LASP1: variants seen among roughly 807,000 people sequenced by gnomAD.
LASP1 encodes LIM and SH3 domain protein 1.
Under a neutral mutation model 38.6 loss-of-function variants are expected in LASP1, and 10 were observed. The ratio of observed to expected loss-of-function variants is 0.26; its 90% CI spans 0.16 to 0.44. The LOEUF is 0.44. LASP1 is among the 20% of genes least tolerant of loss of function. LASP1 has a pLI of 1.00. For synonymous variants in LASP1, 132 were observed against 140.8 expected (o/e 0.94, Z 0.44); for missense variants, 243 against 375.7 (o/e 0.65, Z 2.92).
chr17:38,874,552 G>C (rs925245546), intron 1 of LASP1, among the ~76,000 whole-genome samples: 24 of 152,198 alleles, frequency 1.6e-4, no homozygotes, highest in Admixed American at 1.2e-3. Context: ...GAGGGTAGGG[G>C]AGTCGCCTGA....
Position 38,918,562 on chromosome 17 carries a change from AGCCG to A in LASP1, c.613-40_613-37del. ...AGAAAAAAATGCTCAGACCCAGGTG[AGCCG>A]GCATGCAGGGCCCTAGGCTGACCAC... On this transcript the variant is annotated intron_variant, in intron 6 of 6. Transcript: ENST00000318008. This position sits in a 1 kb window ranked among gnomAD's most constrained non-coding sequence, Gnocchi z 4.4. 6.5e-7 allele frequency: 1 copy of A among 1,531,844 alleles called. No homozygotes were observed. The highest frequency in any genetic ancestry group is 1.3e-5 in the South Asian group (1 of 79,712). The allele number at this position is 1,531,844 out of a possible 1,614,324, so 94.9% of individuals were successfully genotyped here. A position where few individuals can be genotyped will look rare whatever the true frequency, so the allele number is the denominator to read the frequency against.
rs943129662 is a variant in LASP1 at position 38,870,089 on chromosome 17, C to A, written c.-101C>A. On this transcript the variant is annotated 5_prime_UTR_variant, in exon 1 of 7. The change creates a new upstream start codon in the 5' untranslated region. Transcript: ENST00000318008. ...TCCCCAGCTCCAGCCGCCGTCGCTG[C>A]TGCCTGTGTAGTTGCAGCCGCGGCC... is the stretch of plus-strand genomic sequence containing the variant. The A allele has an allele frequency of 1.5e-6, 2 of 1,293,130 alleles. No individual in the cohort carries two copies. Among genetic ancestry groups the A allele is most frequent in the African/African-American group, 1.5e-5 (1 of 68,332 alleles). 80.1% of individuals were successfully genotyped at this position (1,293,130 alleles called of 1,614,324 possible). A position where few individuals can be genotyped will look rare whatever the true frequency, so the allele number is the denominator to read the frequency against.
chr17:38,873,821 G>A (rs1913679383), intron 1 of LASP1: 1 of 152,252 alleles, frequency 6.6e-6, no homozygotes, highest in Non-Finnish European at 1.5e-5. Flanking sequence ...CAACAGGAAG[G>A]GAAGAGATGG....
intron 4 of LASP1, among the ~76,000 whole-genome samples, chr17:38,909,189 G>A (rs559269096): frequency 6.6e-6 from 1 of 152,276 alleles, no homozygotes; most frequent in South Asian, 2.1e-4. Context: ...CCCTGAGGGT[G>A]GGGGAGAGCT....
rs140782010 is a variant in LASP1 at position 38,889,625 on chromosome 17, A to G, written c.165-795A>G. Reference sequence around the variant, plus strand: ...TGCATAAAATTATTTAAAATATTGTATAAAATTACCTTCAGGCCATGTGTA... The same window carrying G: ...TGCATAAAATTATTTAAAATATTGTGTAAAATTACCTTCAGGCCATGTGTA... On this transcript the variant is annotated intron_variant, in intron 2 of 6. Coordinates refer to ENST00000318008, the MANE Select transcript of LASP1 (RefSeq NM_006148.4). 1.2e-3 allele frequency among the ~76,000 whole-genome samples: 179 copies of G among 152,318 alleles called. 1 individual carries two copies. The highest frequency in any genetic ancestry group is 1.8e-3 in the Non-Finnish European group (122 of 68,040).
intron 2 of LASP1, among the ~76,000 whole-genome samples, chr17:38,885,607 G>A (rs1914097735): frequency 6.6e-6 from 1 of 151,110 alleles, no homozygotes; most frequent in Admixed American, 6.6e-5. Flanking sequence ...ACAAAGGACA[G>A]CTGTGCTCTG....
chr17:38,884,128 C>A (rs1914036266), intron 2 of LASP1, among the ~76,000 whole-genome samples: 1 of 151,856 alleles, frequency 6.6e-6, no homozygotes, highest in African/African-American at 2.4e-5. Context: ...GAGATCCAAG[C>A]CTGGAACGGG....
intron 4 of LASP1, among the ~76,000 whole-genome samples, chr17:38,911,304 A>G (rs1389433849): frequency 6.6e-6 from 1 of 152,144 alleles, no homozygotes; most frequent in African/African-American, 2.4e-5. Context: ...TTGAAGGATG[A>G]GAGAAGCCTG....
chr17:38,893,529 T>G (rs1914400623), intron 3 of LASP1, among the ~76,000 whole-genome samples: 1 of 151,470 alleles, frequency 6.6e-6, no homozygotes, highest in Non-Finnish European at 1.5e-5. Flanking sequence ...TCCCCTGAGG[T>G]GGGGGTCCTC....
At chr17:38,885,027 G>GT (rs1169791197) in intron 2 of LASP1, among the ~76,000 whole-genome samples, 1 of 152,180 alleles carries the variant, frequency 6.6e-6, no homozygotes, top group Non-Finnish European at 1.5e-5. Flanking sequence ...TCCTAAGCAG[G>GT]TGTGGCTGAG....
At chr17:38,885,057 A>G (rs766996396) in intron 2 of LASP1, among the ~76,000 whole-genome samples, 98 of 152,308 alleles carry the variant, frequency 6.4e-4, no homozygotes, top group Admixed American at 1.1e-3. Flanking sequence ...AATATCTCTC[A>G]TAATGGCCGA....
intron 2 of LASP1, among the ~76,000 whole-genome samples, chr17:38,878,893 C>T (rs1315113747): frequency 2.0e-5 from 3 of 152,146 alleles, no homozygotes; most frequent in Non-Finnish European, 4.4e-5. Flanking sequence ...CTGGGACCTG[C>T]AGCAGCTGAC....
chr17:38,900,096 T>C (rs1914597454), intron 4 of LASP1, among the ~76,000 whole-genome samples: 1 of 150,064 alleles, frequency 6.7e-6, no homozygotes, highest in African/African-American at 2.5e-5. Context: ...TACAGCCCCT[T>C]TGAGGACTGT....
rs1239186056 is a variant in LASP1 at position 38,918,583 on chromosome 17, G to A, written c.613-22G>A. The A allele has an allele frequency of 6.4e-7, 1 of 1,571,262 alleles. No individual in the cohort carries two copies. Among genetic ancestry groups the A allele is most frequent in the Non-Finnish European group, 8.7e-7 (1 of 1,152,384 alleles). Reference sequence around the variant, plus strand: ...GGTGAGCCGGCATGCAGGGCCCTAGGCTGACCACACTTCCCCCACAGAAGC... The same window carrying A: ...GGTGAGCCGGCATGCAGGGCCCTAGACTGACCACACTTCCCCCACAGAAGC... On this transcript the variant is annotated intron_variant, in intron 6 of 6. Transcript: ENST00000318008. This position sits in a 1 kb window ranked among gnomAD's most constrained non-coding sequence, Gnocchi z 4.4.
At chr17:38,883,741 T>C (rs899211727) in intron 2 of LASP1, among the ~76,000 whole-genome samples, 2 of 24,016 alleles carry the variant, frequency 8.3e-5, no homozygotes, top group Non-Finnish European at 1.1e-4. Context: ...GGGGCAGGCT[T>C]TTTTTTTTTT....
At position 38,919,755 on chromosome 17, in the gene LASP1, AG is replaced by A. The variant is rs1420488380; in HGVS notation, c.*978del. On this transcript the variant is annotated 3_prime_UTR_variant, in exon 7 of 7. Coordinates refer to ENST00000318008, the MANE Select transcript of LASP1 (RefSeq NM_006148.4). The stretch of plus-strand genomic sequence containing the variant: ...GAGCCTTCCATGACCTCCCCTCCCC[AG>A]CCCAATGCCAAGTGGACTTGGAGCT... The A allele has an allele frequency of 1.9e-5, 8 of 412,516 alleles. No homozygotes were observed. The highest frequency in any genetic ancestry group is 1.4e-4 in the African/African-American group (7 of 50,416). 25.6% of individuals were successfully genotyped at this position (412,516 alleles called of 1,614,324 possible).
intron 1 of LASP1, among the ~76,000 whole-genome samples, chr17:38,876,844 A>G (rs1402944427): frequency 6.6e-6 from 1 of 151,628 alleles, no homozygotes; most frequent in East Asian, 1.9e-4. Context: ...CTGGGACTAC[A>G]GGCACCCGCC....
intron 1 of LASP1, among the ~76,000 whole-genome samples, chr17:38,876,257 C>T (rs1443637171): frequency 6.6e-6 from 1 of 150,594 alleles, no homozygotes; most frequent in Non-Finnish European, 1.5e-5. Context: ...TGGCTCACTG[C>T]AACCTCCACC....
intron 2 of LASP1, among the ~76,000 whole-genome samples, chr17:38,884,813 C>T (rs961689695): frequency 5.9e-5 from 9 of 151,506 alleles, no homozygotes; most frequent in African/African-American, 2.2e-4. Flanking sequence ...GCCTCAGCCT[C>T]CTGGGTAGCT....
Sources: gnomAD v4.1 joint callset for allele counts (sites outside exome capture counted in the v4.1 genomes callset) on GRCh38, gnomAD v4.1.1 for gene constraint, Gnocchi (gnomAD v3.1) non-coding constraint, MANE v1.5 for transcripts, NCBI Gene and HGNC (gene_info 2026-07-23, HGNC 2026-07-21) for gene names.